STK4: variants seen among roughly 807,000 people sequenced by gnomAD.
The protein encoded by STK4 is serine/threonine-protein kinase 4.
A neutral mutation model predicts 64.9 loss-of-function variants in STK4; 30 were observed. The observed-to-expected ratio is 0.46, with a 90% CI of 0.35 to 0.63. STK4 has a LOEUF of 0.63. Ranked by LOEUF, STK4 falls within the 20% of genes least tolerant of loss-of-function variation. The pLI is 0.01. For missense variants in STK4, 466 were observed against 598.5 expected (o/e 0.78, Z 2.31); for synonymous variants, 177 against 199.0 (o/e 0.89, Z 0.93).
At chr20:45,043,720 A>C (rs1299003515) in intron 10 of STK4, among the ~76,000 whole-genome samples, 1 of 152,224 alleles carries the variant, frequency 6.6e-6, no homozygotes, top group African/African-American at 2.4e-5. Flanking sequence ...AGAGATGGTC[A>C]ACAGGTAAGT....
chr20:45,024,202 G>C (rs1390514376), intron 9 of STK4, among the ~76,000 whole-genome samples: 2 of 151,692 alleles, frequency 1.3e-5, no homozygotes, highest in African/African-American at 2.4e-5. Context: ...GCCTGACCCA[G>C]TACTAACTTA....
chr20:45,021,836 ACTT>A (rs2068253747), intron 9 of STK4, among the ~76,000 whole-genome samples: 2 of 152,330 alleles, frequency 1.3e-5, no homozygotes, highest in Non-Finnish European at 2.9e-5. Flanking sequence ...AGAGATAAGA[ACTT>A]CTTCTTTTGA....
At chr20:44,982,790 A>G (rs2067464315) in intron 4 of STK4, among the ~76,000 whole-genome samples, 1 of 152,092 alleles carries the variant, frequency 6.6e-6, no homozygotes, top group Admixed American at 6.5e-5. Flanking sequence ...CTAATAGTAA[A>G]TAAAACAGAT....
chr20:44,972,075 C>T lies in STK4; in HGVS notation c.36-3C>T, dbSNP rs766185825. 1.9e-5 allele frequency: 30 copies of T among 1,612,958 alleles called. 1 individual carries two copies. The South Asian group carries it at 3.0e-4, about 16-fold the overall frequency. On this transcript the variant is annotated splice_polypyrimidine_tract_variant and splice_region_variant and intron_variant, in intron 1 of 10. Coordinates refer to ENST00000372806, the MANE Select transcript of STK4 (RefSeq NM_006282.5). ...TTTTGTGTTTATATTTCTTTATTCACAGGCAGCTGAAAAAGTTGGATGAAG... is the reference window on the plus strand; with the variant it reads ...TTTTGTGTTTATATTTCTTTATTCATAGGCAGCTGAAAAAGTTGGATGAAG...
Position 45,035,621 on chromosome 20 carries a change from A to G in STK4, c.1305+10491A>G, listed in dbSNP as rs1345300026. 2.6e-5 allele frequency among the ~76,000 whole-genome samples: 4 copies of G among 152,174 alleles called. No homozygotes were observed. In the East Asian group the frequency reaches 7.7e-4, roughly 29 times the overall value. ...TTTATTGAGGTTCTCTGTGTGTACTATGTGTGAATAGATAAGACTGCGAGA... is the reference window on the plus strand; with the variant it reads ...TTTATTGAGGTTCTCTGTGTGTACTGTGTGTGAATAGATAAGACTGCGAGA... On this transcript the variant is annotated intron_variant, in intron 10 of 10. Transcript: ENST00000372806.
intron 2 of STK4, among the ~76,000 whole-genome samples, chr20:44,976,225 A>G (rs946614280): frequency 5.9e-5 from 9 of 152,272 alleles, no homozygotes; most frequent in African/African-American, 1.9e-4. Context: ...ATTGAAAGAT[A>G]GAAATGAGAC....
Position 44,990,480 on chromosome 20 carries a change from T to G in STK4, c.525+3184T>G, listed in dbSNP as rs566876537. 5.3e-5 allele frequency among the ~76,000 whole-genome samples: 8 copies of G among 152,222 alleles called. No individual in the cohort carries two copies. The East Asian group carries it at 1.4e-3, about 26-fold the overall frequency. On this transcript the variant is annotated intron_variant, in intron 5 of 10. Coordinates refer to ENST00000372806, the MANE Select transcript of STK4 (RefSeq NM_006282.5). ...TTTTTTTTCCTTCACTAAAATAAAC[T>G]GAAACTGTAGTACAAGATGATCTGA...
intron 2 of STK4, chr20:44,974,107 G>A (rs1237141273): frequency 6.6e-6 from 1 of 152,174 alleles, no homozygotes; most frequent in Non-Finnish European, 1.5e-5. Context: ...TAGAGACGAG[G>A]TCTCACTGTG....
intron 9 of STK4, among the ~76,000 whole-genome samples, chr20:45,020,472 TTA>T (rs1568728069): frequency 0.018 from 908 of 49,530 alleles, 10 homozygotes; most frequent in African/African-American, 0.1. Context: ...GTGTGTATGT[TTA>T]TGTTTATGTT....
chr20:45,000,323 G>A, intron 7 of STK4, 69 bp from the exon 8 acceptor site: 2 of 1,535,430 alleles, frequency 1.3e-6, no homozygotes, highest in South Asian at 1.2e-5. Flanking sequence ...TACCTACTGT[G>A]TTCCAGGTAC....
At chr20:45,032,789 A>G (rs936923343) in intron 10 of STK4, among the ~76,000 whole-genome samples, 4 of 152,222 alleles carry the variant, frequency 2.6e-5, no homozygotes, top group African/African-American at 4.8e-5. Flanking sequence ...TATATACTCA[A>G]TAATGGGACT....
At chr20:44,971,665 CTTTTTTTTT>C (rs71197585) in intron 1 of STK4, among the ~76,000 whole-genome samples, 5 of 90,366 alleles carry the variant, frequency 5.5e-5, no homozygotes, top group East Asian at 2.9e-4. Flanking sequence ...AGCCACATGA[CTTTTTTTTT>C]TTTTTTTTTT....
In STK4 at chr20:45,076,637, G is replaced by A. The variant is rs1456939315; in HGVS notation, c.*1461G>A. The stretch of plus-strand genomic sequence containing the variant: ...AGCAGACAAGCACCCATGGAGGCAG[G>A]TTTCGGGCCTGAAGCAGATCAGAGG... On this transcript the variant is annotated 3_prime_UTR_variant, in exon 11 of 11. Transcript: ENST00000372806. This position sits in a 1 kb window ranked among gnomAD's most constrained non-coding sequence, Gnocchi z 4.0. 3.9e-5 allele frequency: 6 copies of A among 152,278 alleles called. No individual in the cohort carries two copies. Among genetic ancestry groups the A allele is most frequent in the African/African-American group, 1.4e-4 (6 of 41,448 alleles). 9.4% of individuals were successfully genotyped at this position (152,278 alleles called of 1,614,324 possible).
In STK4 at chr20:45,012,782, T is replaced by C. The variant is rs560070449; in HGVS notation, c.1147+11429T>C. ...TTCCTTTTGATCTTTATATATAATC[T>C]TCTTCTTCTTCTTCTTCTTTTTTTT... is the stretch of plus-strand genomic sequence containing the variant. On this transcript the variant is annotated intron_variant, in intron 9 of 10. Transcript: ENST00000372806. Among the ~76,000 whole-genome samples the C allele has an allele frequency of 1.6e-3, 229 of 138,864 alleles. 2 individuals are homozygous for C. Among genetic ancestry groups the C allele is most frequent in the African/African-American group, 6.1e-3 (224 of 36,980 alleles). 91.1% of individuals were successfully genotyped at this position (138,864 alleles called of 152,430 possible).
intron 1 of STK4, among the ~76,000 whole-genome samples, chr20:44,968,396 C>T (rs944450199): frequency 6.6e-6 from 1 of 152,228 alleles, no homozygotes; most frequent in East Asian, 1.9e-4. Context: ...CTTGGCTTCT[C>T]AAAGTGGTGG....
intron 5 of STK4, among the ~76,000 whole-genome samples, chr20:44,987,824 A>G (rs528338099): frequency 5.1e-4 from 78 of 152,258 alleles, no homozygotes; most frequent in Admixed American, 9.8e-4. Context: ...CTACATAAGT[A>G]TATATGAAAG....
At chr20:45,012,029 T>A (rs2068060324) in intron 9 of STK4, among the ~76,000 whole-genome samples, 1 of 151,382 alleles carries the variant, frequency 6.6e-6, no homozygotes, top group Non-Finnish European at 1.5e-5. Context: ...ATCACTCTTC[T>A]CCGATACAAA....
At chr20:45,069,942 A>G (rs1243150037) in intron 10 of STK4, among the ~76,000 whole-genome samples, 1 of 151,776 alleles carries the variant, frequency 6.6e-6, no homozygotes, top group African/African-American at 2.4e-5. Flanking sequence ...GATAATGGAG[A>G]GGAGGCAGTC....
rs33913833 is a variant in STK4 at position 45,026,128 on chromosome 20, G to GTTT, written c.1305+1013_1305+1015dup. Among the ~76,000 whole-genome samples, 954 of 128,960 alleles carry GTTT rather than the reference G, an allele frequency of 7.4e-3. 24 individuals carry two copies. The highest frequency in any genetic ancestry group is 0.027 in the African/African-American group (912 of 33,464). The allele number at this position is 128,960 out of a possible 152,430, so 84.6% of individuals were successfully genotyped here. A position where few individuals can be genotyped will look rare whatever the true frequency, so the allele number is the denominator to read the frequency against. On this transcript the variant is annotated intron_variant, in intron 10 of 10. Coordinates refer to ENST00000372806, the MANE Select transcript of STK4 (RefSeq NM_006282.5). ...TGTTCATTTACTTACTTATCCAGTG[G>GTTT]TTTTTTTTTTTTTTTTTGGATGTCA...
Sources: allele counts gnomAD v4.1 joint callset (sites outside exome capture counted in the v4.1 genomes callset), GRCh38; gene constraint gnomAD v4.1.1; non-coding constraint Gnocchi (gnomAD v3.1); transcripts MANE v1.5; gene names NCBI Gene and HGNC (gene_info 2026-07-23, HGNC 2026-07-21).